Variants in RRM2B observed in about 807,000 individuals in gnomAD.
RRM2B encodes the protein ribonucleotide reductase regulatory TP53 inducible subunit M2B.
In RRM2B, 20 loss-of-function variants were observed where a neutral mutation model predicts 45.9. The observed-to-expected ratio is 0.44, with a 90% CI of 0.31 to 0.63. RRM2B has a LOEUF of 0.63. Among genes scored for constraint, RRM2B ranks in the 30% least tolerant of loss-of-function variants. The pLI is 0.09. For missense variants in RRM2B, 320 were observed against 414.7 expected (o/e 0.77, Z 1.98); for synonymous variants, 124 against 132.3 (o/e 0.94, Z 0.43).
intron 1 of RRM2B, among the ~76,000 whole-genome samples, chr8:102,235,599 C>T (rs1205651157): frequency 1.3e-5 from 2 of 152,060 alleles, no homozygotes; most frequent in Non-Finnish European, 2.9e-5. Context: ...CCAGCACTTT[C>T]GGAGGCCGAG....
intron 1 of RRM2B, among the ~76,000 whole-genome samples, chr8:102,234,214 C>A (rs1268605528): frequency 6.6e-6 from 1 of 152,150 alleles, no homozygotes; most frequent in Non-Finnish European, 1.5e-5. Context: ...TGATAAATAA[C>A]TGATCTGCTG....
At chr8:102,224,509 A>T (rs752839118) in intron 4 of RRM2B, among the ~76,000 whole-genome samples, 3 of 152,182 alleles carry the variant, frequency 2.0e-5, no homozygotes, top group Non-Finnish European at 4.4e-5. Flanking sequence ...AAACTTAATC[A>T]GAGATAATAA....
intron 1 of RRM2B, among the ~76,000 whole-genome samples, chr8:102,235,675 C>T (rs1471587669): frequency 2.0e-5 from 3 of 152,054 alleles, no homozygotes; most frequent in African/African-American, 2.4e-5. Flanking sequence ...CCCGTCTCTA[C>T]TAAAAATACA....
intron 5 of RRM2B, among the ~76,000 whole-genome samples, chr8:102,220,711 T>C (rs886607260): frequency 1.3e-5 from 2 of 152,216 alleles, no homozygotes; most frequent in African/African-American, 2.4e-5. Context: ...GCTGGGATTA[T>C]AGGCACAAGC....
intron 6 of RRM2B, 81 bp downstream of exon 6, chr8:102,218,733 A>AT (rs1810775039): frequency 1.5e-6 from 2 of 1,291,052 alleles, no homozygotes; most frequent in South Asian, 2.6e-5. Context: ...CTCAAAAAAA[A>AT]AAAAAAAAAG....
chr8:102,224,669 T>C (rs371556049), intron 4 of RRM2B, among the ~76,000 whole-genome samples: 22 of 152,346 alleles, frequency 1.4e-4, no homozygotes, highest in East Asian at 9.6e-4. Flanking sequence ...CAGAAGATGC[T>C]ACTGAACAGT....
At chr8:102,215,717 G>C (rs1362314090) in intron 6 of RRM2B, among the ~76,000 whole-genome samples, 1 of 152,016 alleles carries the variant, frequency 6.6e-6, no homozygotes, top group Non-Finnish European at 1.5e-5. Flanking sequence ...AGGCCAAGTT[G>C]GGAAATCACT....
At chr8:102,220,781 A>C (rs1810821592) in intron 5 of RRM2B, among the ~76,000 whole-genome samples, 1 of 152,250 alleles carries the variant, frequency 6.6e-6, no homozygotes, top group East Asian at 1.9e-4. Context: ...TGAATACTAA[A>C]GAATGAAAAT....
intron 5 of RRM2B, 63 bp from the exon 6 acceptor site, chr8:102,219,010 TAC>T: frequency 6.9e-7 from 1 of 1,443,122 alleles, no homozygotes; most frequent in Non-Finnish European, 9.7e-7. Flanking sequence ...TATATATATA[TAC>T]ACATATATAA....
rs863224191 is a variant in RRM2B, at chr8:102,224,076, G to T, written c.520C>A (p.Arg174=). ...GTAGATTTTCTATCTGCTATCCATC[G>T]CAAGGCCCAATCTGCTTTTTTCTTA... is the stretch of plus-strand genomic sequence containing the variant. ...YVKKKADWAL[R]WIADRKSTFG... The change falls in exon 5 of 9, where the codon CGA becomes AGA. Residue 174 remains arginine, a synonymous_variant. Transcript: ENST00000251810. 1 of 1,613,138 alleles carries T rather than the reference G, an allele frequency of 6.2e-7. No individual in the cohort carries two copies. The highest frequency in any genetic ancestry group is 1.7e-5 in the Admixed American group (1 of 60,016).
chr8:102,205,499 C>T lies in RRM2B; in HGVS notation c.*2634G>A, dbSNP rs935237492. On this transcript the variant is annotated 3_prime_UTR_variant, in exon 9 of 9. Coordinates refer to ENST00000251810, the MANE Select transcript of RRM2B (RefSeq NM_015713.5). The stretch of plus-strand genomic sequence containing the variant: ...TATTGTATATAATTGGACAGCAAAA[C>T]CCAGTCCTGTCTAAAAGCAATGGAT... 6.6e-6 allele frequency: 1 copy of T among 152,110 alleles called. No individual in the cohort carries two copies. Among genetic ancestry groups the T allele is most frequent in the African/African-American group, 2.4e-5 (1 of 41,446 alleles). 9.4% of individuals were successfully genotyped at this position (152,110 alleles called of 1,614,324 possible). A position where few individuals can be genotyped will look rare whatever the true frequency, so the allele number is the denominator to read the frequency against.
chr8:102,223,901 T>A (rs1810878499), intron 5 of RRM2B, 145 bp downstream of exon 5: 2 of 725,140 alleles, frequency 2.8e-6, no homozygotes, highest in African/African-American at 3.5e-5. Flanking sequence ...TTATTAGGAA[T>A]AATGATTTTG....
chr8:102,232,299 T>C lies in RRM2B; in HGVS notation c.54A>G (p.Ser18=), dbSNP rs780095608. The change falls in exon 2 of 9, where the codon TCA becomes TCG. Residue 18 remains serine (S), a synonymous_variant. Coordinates refer to ENST00000251810, the MANE Select transcript of RRM2B (RefSeq NM_015713.5). ...EAAGLDQDER[S]SSDTNESEIK... ...TTTCACTTTCGTTGGTGTCTGAAGA[T>C]GATCTCTTTGAAAAATAAAGTACAA... 3 of 1,613,998 alleles carry C rather than the reference T, an allele frequency of 1.9e-6. No homozygotes were observed. The highest frequency in any genetic ancestry group is 1.7e-5 in the Admixed American group (1 of 60,028).
Position 102,231,883 on chromosome 8 carries a change from A to G in RRM2B, c.204+266T>C, listed in dbSNP as rs908862504. On this transcript the variant is annotated intron_variant, in intron 2 of 8. Transcript: ENST00000251810. ...GACTCTGTCTCAAAAAAAAAAAAAAAAAAGAAAAAGAAAAAAAATGTTCTA... is the reference window on the plus strand; with the variant it reads ...GACTCTGTCTCAAAAAAAAAAAAAAGAAAGAAAAAGAAAAAAAATGTTCTA... Among the ~76,000 whole-genome samples, 8 of 151,682 alleles carry G rather than the reference A, an allele frequency of 5.3e-5. 1 individual carries two copies. The highest frequency in any genetic ancestry group is 1.9e-4 in the African/African-American group (8 of 41,290).
At position 102,225,006 on chromosome 8, in the gene RRM2B, T is replaced by C. The variant is rs1363681694; in HGVS notation, c.334A>G (p.Ser112Gly). 1 of 1,613,954 alleles carries C rather than the reference T, an allele frequency of 6.2e-7. No homozygotes were observed. Among genetic ancestry groups the C allele is most frequent in the African/African-American group, 1.3e-5 (1 of 74,908 alleles). The change falls in exon 4 of 9, where the codon AGT becomes GGT. Residue 112 changes from serine (S) to glycine (G), a missense_variant. By Grantham distance (56) the Ser-to-Gly change is moderately conservative. Around this residue, in one of 3 missense-constraint regions of RRM2B, gnomAD observed 225 missense variants for 289.4 expected, o/e 0.78. Coordinates refer to ENST00000251810, the MANE Select transcript of RRM2B (RefSeq NM_015713.5). The part of the protein sequence containing the change: ...IVNENLVERF[S>G]QEVQVPEARC... Reference sequence around the variant, plus strand: ...GCCTCTGGAACCTGCACCTCCTGACTAAAGCGCTCCACCTAAGAAGATAAG... The same window carrying C: ...GCCTCTGGAACCTGCACCTCCTGACCAAAGCGCTCCACCTAAGAAGATAAG...
chr8:102,227,226 T>G (rs1360362337), intron 2 of RRM2B, among the ~76,000 whole-genome samples: 1 of 152,218 alleles, frequency 6.6e-6, no homozygotes, highest in Non-Finnish European at 1.5e-5. Flanking sequence ...TTGAAAATGT[T>G]CATTAGAATT....
At chr8:102,223,301 T>C (rs1810866517) in intron 5 of RRM2B, among the ~76,000 whole-genome samples, 1 of 152,234 alleles carries the variant, frequency 6.6e-6, no homozygotes, top group Non-Finnish European at 1.5e-5. Flanking sequence ...AGCCTGTTAT[T>C]ACAAATTGGT....
chr8:102,228,057 T>G (rs898148075), intron 2 of RRM2B, among the ~76,000 whole-genome samples: 2 of 152,198 alleles, frequency 1.3e-5, no homozygotes, highest in African/African-American at 2.4e-5. Flanking sequence ...CATGTATTCC[T>G]GTTTTCCCAC....
At chr8:102,211,435 G>A (rs958257863) in intron 8 of RRM2B, among the ~76,000 whole-genome samples, 1 of 152,150 alleles carries the variant, frequency 6.6e-6, no homozygotes, top group African/African-American at 2.4e-5. Flanking sequence ...TGAAGCCTGT[G>A]GAAAAACAAA....
Sources: gnomAD v4.1 joint callset for allele counts (sites outside exome capture counted in the v4.1 genomes callset) on GRCh38, gnomAD v4.1.1 for gene constraint, gnomAD v4.1.1 regional missense constraint, MANE v1.5 for transcripts, NCBI Gene and HGNC (gene_info 2026-07-23, HGNC 2026-07-21) for gene names.